The following ZNF611 variants were observed in gnomAD, a reference collection of about 807,000 sequenced individuals.
ZNF611 encodes zinc finger protein 611.
In ZNF611, 6 loss-of-function variants were observed where a neutral mutation model predicts 8.9. The observed-to-expected ratio is 0.68, with a 90% CI of 0.37 to 1.34. ZNF611 has a LOEUF of 1.34. Among genes scored for constraint, ZNF611 ranks in the 40% most tolerant of loss-of-function variants. ZNF611 has a pLI of 0.02. For missense variants in ZNF611, 874 were observed against 841.3 expected, an observed-to-expected ratio of 1.04 and a Z score of -0.48; for synonymous variants, 262 against 279.7, an observed-to-expected ratio of 0.94 and a Z score of 0.63.
At chr19:52,720,351 C>G (rs1037598766) in intron 3 of ZNF611, among the ~76,000 whole-genome samples, 2 of 152,340 alleles carry the variant, frequency 1.3e-5, no homozygotes, top group South Asian at 2.1e-4. Flanking sequence ...AGGCGCCCCC[C>G]ACCTCCCCGA....
At chr19:52,722,644 A>G (rs1195999116) in intron 3 of ZNF611, among the ~76,000 whole-genome samples, 1 of 152,172 alleles carries the variant, frequency 6.6e-6, no homozygotes, top group African/African-American at 2.4e-5. Flanking sequence ...TAATTTAAAC[A>G]AGTTATTAGA....
chr19:52,714,139 T>C lies in ZNF611; in HGVS notation c.66A>G (p.Gly22=). The change falls in exon 5 of 6, where the codon GGA becomes GGG. Residue 22 remains glycine (G), a splice_region_variant and synonymous_variant. Coordinates refer to ENST00000652185, the MANE Select transcript of ZNF611 (RefSeq NM_001161499.2). Reference sequence around the variant, plus strand: ...TAGCCACATCCCGGAAAGTCAAGCGTCCCTAAAATGAAACACACATTTCAA... The same window carrying C: ...TAGCCACATCCCGGAAAGTCAAGCGCCCCTAAAATGAAACACACATTTCAA... ...GKEPGMALPQ[G]RLTFRDVAIE... 1.2e-6 allele frequency: 2 copies of C among 1,612,684 alleles called. No individual in the cohort carries two copies. Among genetic ancestry groups the C allele is most frequent in the Non-Finnish European group, 1.7e-6 (2 of 1,179,720 alleles).
At chr19:52,721,438 GGAGGCC>G (rs1228929180) in intron 3 of ZNF611, among the ~76,000 whole-genome samples, 2 of 152,226 alleles carry the variant, frequency 1.3e-5, no homozygotes, top group Admixed American at 6.5e-5. Flanking sequence ...CGGCACCTCG[GGAGGCC>G]AAGGCGGGCA....
intron 1 of ZNF611, among the ~76,000 whole-genome samples, 163 bp from the exon 2 acceptor site, chr19:52,730,168 C>T (rs539674393): frequency 5.3e-5 from 8 of 151,924 alleles, no homozygotes; most frequent in Non-Finnish European, 7.4e-5. Flanking sequence ...CCGAGGCGGG[C>T]GGATGACGAG....
chr19:52,719,528 C>G (rs2062340388), intron 3 of ZNF611, among the ~76,000 whole-genome samples: 1 of 152,162 alleles, frequency 6.6e-6, no homozygotes, highest in Non-Finnish European at 1.5e-5. Context: ...ATAATTTAAA[C>G]TAATTTTAAA....
chr19:52,708,079 C>T (rs2062256663), intron 5 of ZNF611: 1 of 152,092 alleles, frequency 6.6e-6, no homozygotes, highest in South Asian at 2.1e-4. Context: ...ATACAGCCTG[C>T]AGAATTCTAA....
At chr19:52,714,650 T>G (rs1421968536) in intron 4 of ZNF611, among the ~76,000 whole-genome samples, 1 of 142,926 alleles carries the variant, frequency 7.0e-6, no homozygotes, top group Non-Finnish European at 1.5e-5. Context: ...TTCGCACCAC[T>G]GCCCTCCATC....
At chr19:52,730,967 G>A (rs981560265) in intron 1 of ZNF611, among the ~76,000 whole-genome samples, 6 of 151,714 alleles carry the variant, frequency 4.0e-5, no homozygotes, top group African/African-American at 7.3e-5. Flanking sequence ...ACCAAGTCAC[G>A]CTCTATCACT....
chr19:52,705,526 T>A lies in ZNF611; in HGVS notation c.1529A>T (p.Tyr510Phe). The part of the protein sequence containing the change: ...HKSIHTGEQP[Y>F]KCDECEKVFS... ...AACCTTTTCACATTCATCACATTTG[T>A]AAGGTTGCTCCCCAGTATGAATTGA... The change falls in exon 6 of 6, where the codon TAC becomes TTC. Residue 510 changes from tyrosine (Y) to phenylalanine (F), a missense_variant. Coordinates refer to ENST00000652185, the MANE Select transcript of ZNF611 (RefSeq NM_001161499.2). 2 of 1,614,166 alleles carry A rather than the reference T, an allele frequency of 1.2e-6. No individual in the cohort carries two copies. The highest frequency in any genetic ancestry group is 1.7e-6 in the Non-Finnish European group (2 of 1,180,020).
chr19:52,705,137 G>A lies in ZNF611; in HGVS notation c.1918C>T (p.His640Tyr), dbSNP rs1406440889. 6.2e-7 allele frequency: 1 copy of A among 1,614,096 alleles called. No homozygotes were observed. The highest frequency in any genetic ancestry group is 2.2e-5 in the East Asian group (1 of 44,870). Residue 640 changes from histidine (H) to tyrosine (Y), a missense_variant, in exon 6 of 6, where the codon CAT (histidine) becomes TAT (tyrosine). Coordinates refer to ENST00000652185, the MANE Select transcript of ZNF611 (RefSeq NM_001161499.2). ...TTCTCTCCAGTATGAAGTCTACGAT[G>A]GTATATAAGGGATGAGCAGTGACGG... ...TFRHCSSLIY[H>Y]RRLHTGEKSY...
Position 52,727,655 on chromosome 19 carries a change from A to C in ZNF611, c.-20+1075T>G, listed in dbSNP as rs1466354267. ...CACCAAGCTGGCCAGGCTGGTTTCG[A>C]ACTCCTGACCTCAAGTGATCTGCCC... On this transcript the variant is annotated intron_variant, in intron 3 of 5. Coordinates refer to ENST00000652185, the MANE Select transcript of ZNF611 (RefSeq NM_001161499.2). Among the ~76,000 whole-genome samples the C allele has an allele frequency of 2.6e-5, 4 of 152,256 alleles. No individual in the cohort carries two copies. The South Asian group carries it at 8.3e-4, about 32-fold the overall frequency.
At chr19:52,722,792 A>G (rs930282131) in intron 3 of ZNF611, among the ~76,000 whole-genome samples, 3 of 151,928 alleles carry the variant, frequency 2.0e-5, no homozygotes, top group African/African-American at 7.3e-5. Context: ...GTACAGTGGC[A>G]TGATCTCTGC....
Position 52,704,810 on chromosome 19 carries a change from C to G in ZNF611, c.*127G>C, listed in dbSNP as rs761179802. On this transcript the variant is annotated 3_prime_UTR_variant, in exon 6 of 6. Coordinates refer to ENST00000652185, the MANE Select transcript of ZNF611 (RefSeq NM_001161499.2). ...CCAGTGTGAAGTCCAGTATGTTGTT[C>G]CAGGTGTGAATCACTCCCAAGTCTT... 3.1e-6 allele frequency: 5 copies of G among 1,596,286 alleles called. No individual in the cohort carries two copies. The highest frequency in any genetic ancestry group is 4.3e-6 in the Non-Finnish European group (5 of 1,165,150).
chr19:52,706,875 T>A lies in ZNF611; in HGVS notation c.191-11A>T. On this transcript the variant is annotated splice_polypyrimidine_tract_variant and intron_variant, in intron 5 of 5. Transcript: ENST00000652185. ...ATTTGGAAGAGATATCTACAAAATA[T>A]AAACACCAATACATTTCCAATTAAG... 1 of 1,604,858 alleles carries A rather than the reference T, an allele frequency of 6.2e-7. No homozygotes were observed. The highest frequency in any genetic ancestry group is 8.5e-7 in the Non-Finnish European group (1 of 1,176,620).
Position 52,702,852 on chromosome 19 carries a change from A to G in ZNF611, c.*2085T>C, listed in dbSNP as rs1189047921. 1 of 152,232 alleles carries G rather than the reference A, an allele frequency of 6.6e-6. No homozygotes were observed. Among genetic ancestry groups the G allele is most frequent in the East Asian group, 1.9e-4 (1 of 5,200 alleles). The allele number at this position is 152,232 out of a possible 1,614,324, so 9.4% of individuals were successfully genotyped here. A position where few individuals can be genotyped will look rare whatever the true frequency, so the allele number is the denominator to read the frequency against. On this transcript the variant is annotated 3_prime_UTR_variant, in exon 6 of 6. Coordinates refer to ENST00000652185, the MANE Select transcript of ZNF611 (RefSeq NM_001161499.2). ...GATGTTTAGTTAAAAGGCCACTGAC[A>G]TATTTACCAAGTACACACTGAAACA...
Position 52,704,882 on chromosome 19 carries a change from CTA to C in ZNF611, c.*53_*54del, listed in dbSNP as rs1036416153. On this transcript the variant is annotated 3_prime_UTR_variant, in exon 6 of 6. Transcript: ENST00000652185. Reference sequence around the variant, plus strand: ...AGCTTTCTCTCCAGTATAAATTCTCCTATGTCTTTAAGGTGTGATTTCCAAAT... The same window carrying C: ...AGCTTTCTCTCCAGTATAAATTCTCCTGTCTTTAAGGTGTGATTTCCAAAT... The C allele has an allele frequency of 1.2e-5, 20 of 1,609,722 alleles. No homozygotes were observed. Among genetic ancestry groups the C allele is most frequent in the African/African-American group, 6.7e-5 (5 of 74,704 alleles).
chr19:52,725,863 C>T (rs950106741), intron 3 of ZNF611, among the ~76,000 whole-genome samples: 5 of 152,026 alleles, frequency 3.3e-5, no homozygotes, highest in Non-Finnish European at 7.4e-5. Context: ...AGAGACCTTG[C>T]CCTTTAGAAC....
At chr19:52,720,636 C>T (rs1363863503) in intron 3 of ZNF611, among the ~76,000 whole-genome samples, 3 of 138,330 alleles carry the variant, frequency 2.2e-5, no homozygotes, top group Admixed American at 7.2e-5. Context: ...ACGGGGCAGC[C>T]GGGCAGAGGT....
chr19:52,705,413 C>T lies in ZNF611; in HGVS notation c.1642G>A (p.Ala548Thr), dbSNP rs746731521. Residue 548 changes from alanine to threonine, a missense_variant, in exon 6 of 6, where the codon GCG becomes ACG. Ala to Thr is a moderately conservative substitution (Grantham distance 58, BLOSUM62 0). Transcript: ENST00000652185. Reference sequence around the variant, plus strand: ...TGTTTTGCCAGATAGGAATGACACGCAAAAGCCTTGTCACAAACCTTACAT... The same window carrying T: ...TGTTTTGCCAGATAGGAATGACACGTAAAAGCCTTGTCACAAACCTTACAT... Reference protein sequence around the residue: ...YKCKVCDKAFACHSYLAKHTR... With the variant: ...YKCKVCDKAFTCHSYLAKHTR... 1 of 1,614,074 alleles carries T rather than the reference C, an allele frequency of 6.2e-7. No homozygotes were observed.
Sources: allele counts gnomAD v4.1 joint callset (sites outside exome capture counted in the v4.1 genomes callset), GRCh38; gene constraint gnomAD v4.1.1; transcripts MANE v1.5; gene names NCBI Gene and HGNC (gene_info 2026-07-23, HGNC 2026-07-21).